The following ANKRD26 variants were observed in gnomAD, a reference collection of about 807,000 sequenced individuals.
ANKRD26 encodes ankyrin repeat domain 26, also known as ankyrin repeat domain-containing protein 26.
In ANKRD26, 141 loss-of-function variants were observed where a neutral mutation model predicts 208.7. The ratio of observed to expected loss-of-function variants is 0.68; its 90% CI spans 0.59 to 0.78. The LOEUF (loss-of-function observed/expected upper bound fraction) is 0.78. Among genes scored for constraint, ANKRD26 ranks in the 30% least tolerant of loss-of-function variants. The pLI, the probability that ANKRD26 is intolerant of heterozygous loss-of-function variation, is 0.00. For missense variants in ANKRD26, 1,889 were observed against 1,938.7 expected, an observed-to-expected ratio of 0.97 and a Z score of 0.48; for synonymous variants, 636 against 660.4, an observed-to-expected ratio of 0.96 and a Z score of 0.57.
chr10:27,075,164 A>G (rs1013668668), intron 9 of ANKRD26, among the ~76,000 whole-genome samples: 3 of 152,246 alleles, frequency 2.0e-5, no homozygotes, highest in Non-Finnish European at 2.9e-5. Context: ...CAAAGTTTAT[A>G]AAACAATAAC....
intron 20 of ANKRD26, among the ~76,000 whole-genome samples, chr10:27,040,724 T>C (rs1564380561): frequency 1.3e-5 from 2 of 152,082 alleles, no homozygotes; most frequent in African/African-American, 4.8e-5. Flanking sequence ...CAAGGATCCC[T>C]GACAGACAAG....
At chr10:26,986,277 T>A (rs1327622389) in intron 3 of ANKRD26, among the ~76,000 whole-genome samples, 1 of 152,072 alleles carries the variant, frequency 6.6e-6, no homozygotes, top group Non-Finnish European at 1.5e-5. Flanking sequence ...CTAAAATTAA[T>A]CCAAGATGGA....
At chr10:26,963,343 A>G in the ANKRD26 span, among the ~76,000 whole-genome samples, 1 of 152,192 alleles carries the variant, frequency 6.6e-6, no homozygotes. Context: ...TCTAACCTTG[A>G]ATTTGCCACA....
Position 27,024,532 on chromosome 10 carries a change from T to G in ANKRD26, c.4000A>C (p.Lys1334Gln). Residue 1334 changes from lysine (K) to glutamine (Q), a missense_variant, in exon 28 of 34, where the codon AAA becomes CAA. This residue lies in a region of ANKRD26 where 613 missense variants were observed against 648.2 expected (regional missense o/e 0.95). Coordinates refer to ENST00000376087, the MANE Select transcript of ANKRD26 (RefSeq NM_014915.3). The part of the protein sequence containing the change: ...LSEDEKEQLK[K>Q]LMELKQSLEC... ...AGTGACTGTTTTAATTCCATAAGTT[T>G]CTTTAATTGTTCCTTTTCATCTTCA... 1 of 1,579,490 alleles carries G rather than the reference T, an allele frequency of 6.3e-7. No individual in the cohort carries two copies. Among genetic ancestry groups the G allele is most frequent in the Non-Finnish European group, 8.7e-7 (1 of 1,151,110 alleles).
intron 12 of ANKRD26, among the ~76,000 whole-genome samples, chr10:27,061,669 C>T (rs930307998): frequency 6.6e-6 from 1 of 150,386 alleles, no homozygotes; most frequent in Non-Finnish European, 1.5e-5. Flanking sequence ...CAGGCTCAAG[C>T]AATCCTCCTG....
At chr10:27,067,043 G>C in intron 10 of ANKRD26, 114 bp downstream of exon 10, 4 of 1,207,076 alleles carry the variant, frequency 3.3e-6, no homozygotes, top group Non-Finnish European at 1.2e-6. Context: ...CTGACCTCAG[G>C]TGATCCACCT....
rs141809681 is a variant in ANKRD26, at chr10:27,041,510, C to T, written c.2162-1332G>A. On this transcript the variant is annotated intron_variant, in intron 20 of 33. Coordinates refer to ENST00000376087, the MANE Select transcript of ANKRD26 (RefSeq NM_014915.3). ...GGGGAATTAGCCCAAATCATAAAAG[C>T]AATATAGGAAAAAGTCAAGCTGTTT... 2.6e-5 allele frequency among the ~76,000 whole-genome samples: 4 copies of T among 152,040 alleles called. No homozygotes were observed. In the East Asian group the frequency reaches 7.7e-4, roughly 29 times the overall value.
chr10:27,037,465 C>A, intron 22 of ANKRD26, 142 bp from the exon 23 acceptor site: 1 of 924,224 alleles, frequency 1.1e-6, no homozygotes, highest in South Asian at 1.7e-5. Context: ...AAGAATTACT[C>A]AAATTTTAAT....
chr10:27,012,085 TTAAG>T (rs2053131960), intron 32 of ANKRD26, among the ~76,000 whole-genome samples: 1 of 152,196 alleles, frequency 6.6e-6, no homozygotes, highest in Admixed American at 6.5e-5. Flanking sequence ...TTGGAGTTCT[TTAAG>T]TAATAAATTT....
intron 4 of ANKRD26, among the ~76,000 whole-genome samples, chr10:26,982,606 A>C (rs1307376945): frequency 6.6e-6 from 1 of 151,960 alleles, no homozygotes; most frequent in East Asian, 1.9e-4. Flanking sequence ...TTAAAAAAAA[A>C]AAACAGGAGA....
At chr10:27,053,523 A>G in intron 15 of ANKRD26, 133 bp from the exon 16 acceptor site, 1 of 624,442 alleles carries the variant, frequency 1.6e-6, no homozygotes, top group Non-Finnish European at 2.6e-6. Flanking sequence ...TTTGTTTATG[A>G]GACAGGGCCT....
chr10:27,100,001 C>G, intron 1 of ANKRD26, 84 bp downstream of exon 1: 4 of 1,600,554 alleles, frequency 2.5e-6, no homozygotes, highest in Non-Finnish European at 3.4e-6. Flanking sequence ...CTGATCCAGG[C>G]CCTGGGTGGC....
intron 16 of ANKRD26, chr10:27,051,165 A>G: frequency 2.3e-6 from 3 of 1,290,020 alleles, no homozygotes; most frequent in Non-Finnish European, 3.0e-6. Flanking sequence ...TTCTTCTTTT[A>G]GAGATACTTT....
chr10:27,040,881 T>C (rs904766608), intron 20 of ANKRD26, among the ~76,000 whole-genome samples: 6 of 151,476 alleles, frequency 4.0e-5, no homozygotes, highest in East Asian at 3.9e-4. Context: ...AATACAAAAA[T>C]TAGTGGGGCG....
chr10:27,044,559 G>C (rs1169303000), intron 18 of ANKRD26, among the ~76,000 whole-genome samples: 1 of 150,788 alleles, frequency 6.6e-6, no homozygotes, highest in African/African-American at 2.4e-5. Context: ...ATAAAAACAA[G>C]CTTTTACGGG....
intron 15 of ANKRD26, 23 bp downstream of exon 15, chr10:27,060,322 T>C (rs2055007837): frequency 1.3e-6 from 2 of 1,547,364 alleles, no homozygotes; most frequent in South Asian, 2.2e-5. Context: ...CTTCCAAGAT[T>C]AAATATATAT....
At chr10:26,978,897 C>A (rs549690163) in intron 5 of ANKRD26, among the ~76,000 whole-genome samples, 1 of 152,066 alleles carries the variant, frequency 6.6e-6, no homozygotes, top group Non-Finnish European at 1.5e-5. Flanking sequence ...GATAACATAC[C>A]CTCCTGTTTC....
chr10:26,952,659 T>C, the ANKRD26 span, among the ~76,000 whole-genome samples: 6 of 152,318 alleles, frequency 3.9e-5, no homozygotes, highest in East Asian at 7.7e-4. Flanking sequence ...AAAACAAAGA[T>C]GCTGTAGTAT....
chr10:27,034,762 G>A (rs2053987116), intron 24 of ANKRD26, 34 bp downstream of exon 24: 1 of 1,449,164 alleles, frequency 6.9e-7, no homozygotes, highest in South Asian at 1.2e-5. Flanking sequence ...TCTTTCAGGA[G>A]GTTTGAAAAA....
Sources: gnomAD v4.1 joint callset for allele counts (sites outside exome capture counted in the v4.1 genomes callset) on GRCh38, gnomAD v4.1.1 for gene constraint, gnomAD v4.1.1 regional missense constraint, MANE v1.5 for transcripts, NCBI Gene and HGNC (gene_info 2026-07-23, HGNC 2026-07-21) for gene names.